Variants in CSPG4 observed in about 807,000 individuals in gnomAD.
CSPG4 encodes the protein chondroitin sulfate proteoglycan 4.
In CSPG4, 74 loss-of-function variants were observed where a neutral mutation model predicts 139.3. The observed-to-expected ratio is 0.53, with a 90% CI of 0.44 to 0.64. The LOEUF (loss-of-function observed/expected upper bound fraction) is 0.64. Among genes scored for constraint, CSPG4 ranks in the 30% least tolerant of loss-of-function variants. The pLI is 0.00. For missense variants in CSPG4, 2,565 were observed against 3,148.3 expected, an observed-to-expected ratio of 0.81 and a Z score of 4.43; for synonymous variants, 1,234 against 1,394.2, an observed-to-expected ratio of 0.89 and a Z score of 2.56.
chr15:75,699,492 C>T (rs1379465793), intron 1 of CSPG4, among the ~76,000 whole-genome samples: 1 of 152,200 alleles, frequency 6.6e-6, no homozygotes, highest in African/African-American at 2.4e-5. Context: ...TGCTGGGGAA[C>T]ATTTCCAGTT....
chr15:75,704,345 T>C (rs1030529696), intron 1 of CSPG4, among the ~76,000 whole-genome samples: 2 of 152,106 alleles, frequency 1.3e-5, no homozygotes, highest in African/African-American at 4.8e-5. Flanking sequence ...CTCAGGCCTC[T>C]ACAATATCTC....
At chr15:75,692,945 G>A in intron 2 of CSPG4, 125 bp downstream of exon 2, 2 of 599,298 alleles carry the variant, frequency 3.3e-6, no homozygotes, top group East Asian at 2.8e-5. Context: ...TCCCACAGTG[G>A]AGAACTTAAG....
chr15:75,709,811 C>T (rs1189226915), intron 1 of CSPG4, among the ~76,000 whole-genome samples: 1 of 152,154 alleles, frequency 6.6e-6, no homozygotes, highest in African/African-American at 2.4e-5. Flanking sequence ...CCAGGCCCCC[C>T]AGGCGGGCAG....
chr15:75,681,062 G>C (rs1893967748), intron 8 of CSPG4, among the ~76,000 whole-genome samples: 3 of 152,308 alleles, frequency 2.0e-5, no homozygotes, highest in Admixed American at 1.3e-4. Flanking sequence ...GGGCATTCTT[G>C]ACAAAGGCTC....
intron 1 of CSPG4, among the ~76,000 whole-genome samples, chr15:75,700,434 G>A (rs1894286201): frequency 6.6e-6 from 1 of 152,210 alleles, no homozygotes; most frequent in Non-Finnish European, 1.5e-5. Flanking sequence ...TCCTTGGGCG[G>A]TTTGGCAGCC....
In CSPG4 at chr15:75,698,388, G is replaced by A. The variant is rs1225326757; in HGVS notation, c.89-5155C>T. On this transcript the variant is annotated intron_variant, in intron 1 of 9. Coordinates refer to ENST00000308508, the MANE Select transcript of CSPG4 (RefSeq NM_001897.5). This position sits in a 1 kb window ranked among gnomAD's most constrained non-coding sequence, Gnocchi z 4.3. Reference sequence around the variant, plus strand: ...GCTCTGTGAGAGCATGGACGGGCCAGGTGTGCTTCCCCAGCAGCGGACCCT... The same window carrying A: ...GCTCTGTGAGAGCATGGACGGGCCAAGTGTGCTTCCCCAGCAGCGGACCCT... Among the ~76,000 whole-genome samples, 1 of 151,982 alleles carries A rather than the reference G, an allele frequency of 6.6e-6. No homozygotes were observed. The highest frequency in any genetic ancestry group is 2.4e-5 in the African/African-American group (1 of 41,338).
chr15:75,705,007 G>C (rs921950726), intron 1 of CSPG4, among the ~76,000 whole-genome samples: 11 of 152,226 alleles, frequency 7.2e-5, no homozygotes, highest in Non-Finnish European at 1.6e-4. Flanking sequence ...TCCCATAAAA[G>C]GTCTTGGGGC....
chr15:75,691,564 G>A (rs1894165652), intron 2 of CSPG4, among the ~76,000 whole-genome samples: 1 of 152,086 alleles, frequency 6.6e-6, no homozygotes, highest in Non-Finnish European at 1.5e-5. Flanking sequence ...AGTTTCTTGG[G>A]GTCATTGAAG....
intron 8 of CSPG4, among the ~76,000 whole-genome samples, chr15:75,678,180 C>T (rs955319070): frequency 1.8e-4 from 27 of 152,142 alleles, no homozygotes; most frequent in Non-Finnish European, 2.8e-4. Flanking sequence ...CTCTCTAAAG[C>T]GAGTACTTCC....
At chr15:75,694,513 G>C (rs573282823) in intron 1 of CSPG4, among the ~76,000 whole-genome samples, 1 of 152,174 alleles carries the variant, frequency 6.6e-6, no homozygotes, top group Non-Finnish European at 1.5e-5. Flanking sequence ...GGGATAATCC[G>C]GCACCAGCCC....
intron 1 of CSPG4, among the ~76,000 whole-genome samples, chr15:75,712,085 T>G: frequency 7.6e-6 from 1 of 131,674 alleles, no homozygotes; most frequent in Non-Finnish European, 1.6e-5. Flanking sequence ...GAGGAGAGAA[T>G]GAAGAGGGGA....
chr15:75,676,335 G>T lies in CSPG4; in HGVS notation c.6184C>A (p.Arg2062Ser), dbSNP rs377676811. The T allele has an allele frequency of 2.5e-6, 4 of 1,612,136 alleles. No homozygotes were observed. The South Asian group carries it at 4.4e-5, about 18-fold the overall frequency. ...GGPWPQGATL[R>S]LDPTVLDAGE... ...GCATCTAGGACGGTGGGGTCCAGGCGCAGGGTGGCACCCTGGGGCCATGGC... is the reference window on the plus strand; with the variant it reads ...GCATCTAGGACGGTGGGGTCCAGGCTCAGGGTGGCACCCTGGGGCCATGGC... Residue 2062 changes from arginine (R) to serine (S), a missense_variant, in exon 10 of 10, where the codon CGC becomes AGC. Arg to Ser is a moderately radical substitution (Grantham distance 110). Around this residue, in one of 5 missense-constraint regions of CSPG4, gnomAD observed 2,316 missense variants for 2,818.2 expected, o/e 0.82. Transcript: ENST00000308508.
rs780473937 is a variant in CSPG4 at position 75,687,350 on chromosome 15, G to A, written c.3715C>T (p.Leu1239=). ...ATCTTCTTGTGCCGGACCAGCTTCA[G>A]TGGGGCCAGTGGGCCCTCTAGGGCA... is the stretch of plus-strand genomic sequence containing the variant. ...TIALEGPLAP[L]KLVRHKKIYV... Residue 1239 remains leucine, a synonymous_variant, in exon 3 of 10, where the codon CTG becomes TTG. Transcript: ENST00000308508. The surrounding 1 kb of genome is among the most constrained non-coding windows in gnomAD (Gnocchi z 5.4). 6.2e-7 allele frequency: 1 copy of A among 1,612,792 alleles called. No individual in the cohort carries two copies. Among genetic ancestry groups the A allele is most frequent in the Admixed American group, 1.7e-5 (1 of 60,028 alleles).
chr15:75,677,020 AG>A lies in CSPG4; in HGVS notation c.5498del (p.Pro1833LeufsTer24). 7.0e-7 allele frequency: 1 copy of A among 1,437,532 alleles called. No homozygotes were observed. The allele number at this position is 1,437,532 out of a possible 1,614,324, so 89.0% of individuals were successfully genotyped here. On this transcript the variant is annotated frameshift_variant, in exon 10 of 10. Coordinates refer to ENST00000308508, the MANE Select transcript of CSPG4 (RefSeq NM_001897.5). LOFTEE classifies it low-confidence loss of function (END_TRUNC). The part of the protein sequence containing the change: ...ITVRDVNERP[P>X]QPQASVPLRL... ...GGAGTGGGACAGAGGCCTGTGGCTG[AG>A]GGGGCCGCTCATTTACATCCCTCAC... is the stretch of plus-strand genomic sequence containing the variant.
chr15:75,684,254 G>A (rs1284730552), intron 5 of CSPG4, among the ~76,000 whole-genome samples: 1 of 152,254 alleles, frequency 6.6e-6, no homozygotes, highest in African/African-American at 2.4e-5. Context: ...TCCACCTGCA[G>A]AGTGGGGCCC....
In CSPG4 at chr15:75,676,107, C is replaced by T. The variant is rs1257761657; in HGVS notation, c.6412G>A (p.Ala2138Thr). The T allele has an allele frequency of 2.3e-5, 35 of 1,533,736 alleles. No individual in the cohort carries two copies. The highest frequency in any genetic ancestry group is 8.3e-5 in the South Asian group (7 of 84,298). Residue 2138 changes from alanine to threonine, a missense_variant, in exon 10 of 10, where the codon GCA (alanine) becomes ACA (threonine). Ala to Thr is a moderately conservative substitution (Grantham distance 58). Around this residue, in one of 5 missense-constraint regions of CSPG4, gnomAD observed 2,316 missense variants for 2,818.2 expected, o/e 0.82. Coordinates refer to ENST00000308508, the MANE Select transcript of CSPG4 (RefSeq NM_001897.5). ...GRPEGRAPGPAGDSLTLELWA... is the reference protein window; with the variant it reads ...GRPEGRAPGPTGDSLTLELWA... The stretch of plus-strand genomic sequence containing the variant: ...AGCTCCAGAGTGAGACTGTCACCTG[C>T]GGGGCCGGGGGCCCTCCCCTCTGGC...
In CSPG4 at chr15:75,690,687, A is replaced by T; in HGVS notation, c.378T>A (p.Asp126Glu). The change falls in exon 3 of 10, where the codon GAT becomes GAA. Residue 126 changes from aspartate (D) to glutamate (E), a missense_variant. Transcript: ENST00000308508. ...CTGCTGAGGAGGCGTTCAGAAACCC[A>T]TCGACTGACAACGTGGCCCAGCCCT... ...VVEGWATLSV[D>E]GFLNASSAVP... is the part of the protein sequence containing the mutation. 6.2e-7 allele frequency: 1 copy of T among 1,612,942 alleles called. No homozygotes were observed. The highest frequency in any genetic ancestry group is 2.2e-5 in the East Asian group (1 of 44,888).
At chr15:75,693,588 C>G (rs774104774) in intron 1 of CSPG4, among the ~76,000 whole-genome samples, 1 of 152,240 alleles carries the variant, frequency 6.6e-6, no homozygotes, top group Admixed American at 6.5e-5. Flanking sequence ...GGGTCTGGCT[C>G]CTGGACCCAG....
Position 75,693,211 on chromosome 15 carries a change from G to A in CSPG4, c.111C>T (p.His37=). The change falls in exon 2 of 10, where the codon CAC becomes CAT. Residue 37 remains histidine, a synonymous_variant. Coordinates refer to ENST00000308508, the MANE Select transcript of CSPG4 (RefSeq NM_001897.5). ...GAGCCGTGGCCACAGGCACCTCCAG[G>A]TGGTTCTCACCGAAGAAGGAAGCTG... ...ASAASFFGEN[H]LEVPVATALT... The A allele has an allele frequency of 6.2e-7, 1 of 1,608,800 alleles. No individual in the cohort carries two copies. Among genetic ancestry groups the A allele is most frequent in the South Asian group, 1.1e-5 (1 of 90,396 alleles).
Sources: allele counts gnomAD v4.1 joint callset (sites outside exome capture counted in the v4.1 genomes callset), GRCh38; gene constraint gnomAD v4.1.1; regional missense constraint gnomAD v4.1.1; non-coding constraint Gnocchi (gnomAD v3.1); transcripts MANE v1.5; gene names NCBI Gene and HGNC (gene_info 2026-07-23, HGNC 2026-07-21).